The following SLC8A1 variants were observed in gnomAD, a reference collection of about 807,000 sequenced individuals.
SLC8A1 encodes solute carrier family 8 member A1.
Under a neutral mutation model 68.3 loss-of-function variants are expected in SLC8A1, and 18 were observed. That is an observed-to-expected ratio of 0.26 (90% CI 0.18 to 0.39). The LOEUF is 0.39. Ranked by LOEUF, SLC8A1 falls within the 10% of genes least tolerant of loss-of-function variation. The pLI, the probability that SLC8A1 is intolerant of heterozygous loss-of-function variation, is 1.00. For synonymous variants in SLC8A1, 475 were observed against 415.5 expected (o/e 1.14, Z -1.74); for missense variants, 985 against 1,156.7 (o/e 0.85, Z 2.15).
intron 2 of SLC8A1, among the ~76,000 whole-genome samples, chr2:40,424,106 T>G (rs1015631923): frequency 6.6e-6 from 1 of 151,970 alleles, no homozygotes; most frequent in African/African-American, 2.4e-5. Context: ...AAAGCTTGAA[T>G]ATGTTGGAGT....
chr2:40,141,495 C>T (rs1268328443), intron 6 of SLC8A1, among the ~76,000 whole-genome samples: 4 of 152,144 alleles, frequency 2.6e-5, no homozygotes, highest in Non-Finnish European at 2.9e-5. Flanking sequence ...TGGGAGAAGC[C>T]ATTGCAGATG....
intron 2 of SLC8A1, among the ~76,000 whole-genome samples, chr2:40,290,846 T>C (rs1476208984): frequency 6.6e-6 from 1 of 152,196 alleles, no homozygotes; most frequent in Non-Finnish European, 1.5e-5. Context: ...TATCCCTGTC[T>C]TCCCTTTTGA....
chr2:40,423,038 A>G (rs1348394030), intron 2 of SLC8A1, among the ~76,000 whole-genome samples: 1 of 152,184 alleles, frequency 6.6e-6, no homozygotes, highest in African/African-American at 2.4e-5. Context: ...GTTTCTACAC[A>G]TTCCACAAAC....
intron 2 of SLC8A1, among the ~76,000 whole-genome samples, chr2:40,409,577 T>C (rs867333568): frequency 2.6e-5 from 4 of 152,172 alleles, no homozygotes; most frequent in Non-Finnish European, 2.9e-5. Context: ...CTCTAATTCT[T>C]ACAGCCCAAA....
chr2:40,115,245 T>A, exon 8 of SLC8A1: 4 of 1,591,570 alleles, frequency 2.5e-6, no homozygotes, highest in Non-Finnish European at 3.4e-6. Flanking sequence ...CTATATCTGA[T>A]AGTTCCTTTA....
At chr2:40,195,771 A>G (rs556334728) in intron 2 of SLC8A1, 34 of 152,202 alleles carry the variant, frequency 2.2e-4, no homozygotes, top group African/African-American at 7.7e-4. Context: ...TCTGGAGTGA[A>G]GACGAAGTAT....
intron 7 of SLC8A1, among the ~76,000 whole-genome samples, chr2:40,125,398 C>T (rs919931373): frequency 1.3e-5 from 2 of 152,100 alleles, no homozygotes; most frequent in African/African-American, 2.4e-5. Context: ...GAACAAGAAT[C>T]GTAAAAAGCA....
intron 1 of SLC8A1, among the ~76,000 whole-genome samples, chr2:40,437,594 G>C (rs969165624): frequency 6.6e-6 from 1 of 152,044 alleles, no homozygotes; most frequent in African/African-American, 2.4e-5. Flanking sequence ...ATAATGAACG[G>C]GAGCCAGGGA....
intron 7 of SLC8A1, among the ~76,000 whole-genome samples, chr2:40,131,851 G>T (rs911278005): frequency 2.7e-5 from 3 of 112,336 alleles, no homozygotes; most frequent in African/African-American, 9.5e-5. Context: ...GATTATCTTG[G>T]TATTCTATTT....
exon 4 of SLC8A1, chr2:40,174,841 A>G (rs769983501): frequency 1.2e-5 from 20 of 1,609,402 alleles, no homozygotes; most frequent in East Asian, 1.1e-4. Flanking sequence ...TTGTGAAGCC[A>G]CCTAAAAAAG....
At chr2:40,108,554 A>C (rs1459566043) in exon 8 of SLC8A1, 3 of 152,196 alleles carry the variant, frequency 2.0e-5, no homozygotes, top group Non-Finnish European at 4.4e-5. Context: ...TTGAATGTAC[A>C]ATCTTTCAAG....
At chr2:40,286,233 G>T (rs566902084) in intron 2 of SLC8A1, among the ~76,000 whole-genome samples, 2 of 152,266 alleles carry the variant, frequency 1.3e-5, no homozygotes, top group South Asian at 4.1e-4. Context: ...TTATCTTCAA[G>T]AGAAGAGGCT....
exon 8 of SLC8A1, chr2:40,112,600 A>G (rs1280341573): frequency 6.6e-6 from 1 of 152,352 alleles, no homozygotes; most frequent in African/African-American, 2.4e-5. Flanking sequence ...TAAACAACTT[A>G]TATTCCTTGA....
chr2:40,262,109 C>T (rs750272256), intron 2 of SLC8A1, among the ~76,000 whole-genome samples: 27 of 151,972 alleles, frequency 1.8e-4, no homozygotes, highest in Admixed American at 1.3e-4. Flanking sequence ...ACTACAGGCA[C>T]GCGCCATCAC....
chr2:40,320,112 A>C (rs1049141102), intron 2 of SLC8A1, among the ~76,000 whole-genome samples: 6 of 152,144 alleles, frequency 3.9e-5, no homozygotes, highest in African/African-American at 1.2e-4. Context: ...CATTACCATC[A>C]CCATCATCTT....
At chr2:40,322,245 A>G (rs2075286758) in intron 2 of SLC8A1, among the ~76,000 whole-genome samples, 1 of 152,166 alleles carries the variant, frequency 6.6e-6, no homozygotes, top group Admixed American at 6.5e-5. Context: ...TTGAATCAGA[A>G]AACTAATTTA....
At chr2:40,297,543 T>C (rs2070639454) in intron 2 of SLC8A1, among the ~76,000 whole-genome samples, 2 of 152,244 alleles carry the variant, frequency 1.3e-5, no homozygotes, top group African/African-American at 4.8e-5. Context: ...AGTACATCAA[T>C]ACATCTTGAG....
At chr2:40,272,092 C>A (rs189495444) in intron 2 of SLC8A1, among the ~76,000 whole-genome samples, 3 of 152,210 alleles carry the variant, frequency 2.0e-5, no homozygotes, top group African/African-American at 7.2e-5. Flanking sequence ...TGGCCCGGAA[C>A]GCCTGGTCGC....
At chr2:40,391,134 C>A (rs1685103207) in intron 2 of SLC8A1, among the ~76,000 whole-genome samples, 1 of 149,440 alleles carries the variant, frequency 6.7e-6, no homozygotes, top group Admixed American at 6.7e-5. Context: ...GCATTCTATT[C>A]TCCTTAAAAT....
Sources: allele counts gnomAD v4.1 joint callset (sites outside exome capture counted in the v4.1 genomes callset), GRCh38; gene constraint gnomAD v4.1.1; transcripts MANE v1.5; gene names NCBI Gene and HGNC (gene_info 2026-07-23, HGNC 2026-07-21).